NCALD: variants seen among roughly 807,000 people sequenced by gnomAD.
The protein encoded by NCALD is neurocalcin delta.
NCALD carries 10 observed loss-of-function variants against 18.6 expected under a neutral mutation model. That is an observed-to-expected ratio of 0.54 (90% CI 0.33 to 0.91). The LOEUF (loss-of-function observed/expected upper bound fraction) is 0.91, where lower values mean the gene tolerates loss of function less well. Ranked by LOEUF, NCALD falls within the 40% of genes least tolerant of loss-of-function variation. NCALD has a pLI of 0.03. For synonymous variants in NCALD, 88 were observed against 87.4 expected, an observed-to-expected ratio of 1.01 and a Z score of -0.04; for missense variants, 184 against 247.6, an observed-to-expected ratio of 0.74 and a Z score of 1.72.
intron 4 of NCALD, among the ~76,000 whole-genome samples, chr8:101,871,279 G>C (rs991146550): frequency 3.3e-5 from 5 of 152,120 alleles, no homozygotes; most frequent in Non-Finnish European, 7.4e-5. Context: ...AATGATATCA[G>C]CACTCCCTCT....
intron 1 of NCALD, among the ~76,000 whole-genome samples, chr8:101,744,278 GCT>G (rs1389609261): frequency 6.6e-6 from 1 of 152,162 alleles, no homozygotes; most frequent in Non-Finnish European, 1.5e-5. Context: ...GGGAATCCCA[GCT>G]CTGTCTTCCC....
rs117770418 is a variant in NCALD, at chr8:102,123,314, G to T, written c.-210+923C>A. ...GAACATAGACCTTCTTGCGGGGCTAGCGTGTAAGCACAGCAGCACACCAGC... is the reference window on the plus strand; with the variant it reads ...GAACATAGACCTTCTTGCGGGGCTATCGTGTAAGCACAGCAGCACACCAGC... On this transcript the variant is annotated intron_variant, in intron 1 of 6. Transcript: ENST00000311028. Among the ~76,000 whole-genome samples, 78 of 152,294 alleles carry T rather than the reference G, an allele frequency of 5.1e-4. 1 individual carries two copies. In the East Asian group the frequency reaches 0.014, roughly 27 times the overall value.
chr8:101,767,772 C>T (rs903506820), intron 1 of NCALD, among the ~76,000 whole-genome samples: 2 of 152,226 alleles, frequency 1.3e-5, no homozygotes. Context: ...CTGCACAATG[C>T]TAGCTGTCAG....
chr8:101,875,404 T>C (rs924309800), intron 4 of NCALD, among the ~76,000 whole-genome samples: 1 of 152,226 alleles, frequency 6.6e-6, no homozygotes. Flanking sequence ...TTCTCAAGAA[T>C]AGGCCCCCTC....
chr8:102,119,915 C>T (rs541128480), intron 1 of NCALD, among the ~76,000 whole-genome samples: 12 of 152,244 alleles, frequency 7.9e-5, no homozygotes, highest in South Asian at 4.1e-4. Context: ...CAGGCAGAGA[C>T]GTCTATGTCA....
At position 102,105,974 on chromosome 8, in the gene NCALD, A is replaced by G. The variant is rs550506870; in HGVS notation, c.-210+18263T>C. 2.0e-5 allele frequency among the ~76,000 whole-genome samples: 3 copies of G among 152,228 alleles called. No homozygotes were observed. In the East Asian group the frequency reaches 5.8e-4, roughly 29 times the overall value. ...CTGGCACATAGTGAGGTCTGAATCA[A>G]TGAGAGTAGTAGTCATTGCTACAAG... On this transcript the variant is annotated intron_variant, in intron 1 of 6. Transcript: ENST00000311028.
intron 4 of NCALD, among the ~76,000 whole-genome samples, chr8:101,843,622 G>A (rs1403270443): frequency 1.5e-5 from 2 of 133,512 alleles, no homozygotes; most frequent in Admixed American, 1.8e-4. Context: ...TGTCACACAG[G>A]CTGGAGTGCA....
chr8:101,695,471 G>T (rs1207872806), intron 2 of NCALD, among the ~76,000 whole-genome samples: 3 of 152,150 alleles, frequency 2.0e-5, no homozygotes, highest in South Asian at 2.1e-4. Context: ...CTGTTGTCAA[G>T]AGTCTGACAA....
intron 2 of NCALD, among the ~76,000 whole-genome samples, chr8:101,935,196 G>A (rs1195299832): frequency 6.6e-6 from 1 of 152,038 alleles, no homozygotes; most frequent in East Asian, 1.9e-4. Flanking sequence ...AAATATAGGT[G>A]AGAAATTTCA....
intron 2 of NCALD, among the ~76,000 whole-genome samples, chr8:101,695,769 G>A (rs1814961899): frequency 6.6e-6 from 1 of 152,014 alleles, no homozygotes; most frequent in Admixed American, 6.6e-5. Flanking sequence ...TTTTAGATGT[G>A]AGGGTAGCAG....
intron 2 of NCALD, among the ~76,000 whole-genome samples, chr8:101,713,359 T>G (rs945226313): frequency 2.0e-5 from 3 of 150,308 alleles, no homozygotes; most frequent in African/African-American, 7.4e-5. Flanking sequence ...ACATCACAAT[T>G]AAAAGAACTA....
At chr8:101,980,464 G>T (rs977726440) in intron 2 of NCALD, among the ~76,000 whole-genome samples, 5 of 152,156 alleles carry the variant, frequency 3.3e-5, no homozygotes, top group African/African-American at 1.2e-4. Flanking sequence ...CCCACGCTTC[G>T]CAAGAGAAAG....
chr8:102,018,057 C>T (rs1300057173), intron 2 of NCALD, among the ~76,000 whole-genome samples: 2 of 152,044 alleles, frequency 1.3e-5, no homozygotes, highest in Non-Finnish European at 2.9e-5. Flanking sequence ...GCTCAAATTG[C>T]TAAAATTACA....
At chr8:101,926,602 T>G (rs1163050442) in intron 2 of NCALD, among the ~76,000 whole-genome samples, 1 of 152,180 alleles carries the variant, frequency 6.6e-6, no homozygotes, top group African/African-American at 2.4e-5. Context: ...TTAAATAATA[T>G]GTCCAAGCTG....
At chr8:101,935,944 C>T (rs961686121) in intron 2 of NCALD, among the ~76,000 whole-genome samples, 3 of 151,862 alleles carry the variant, frequency 2.0e-5, no homozygotes, top group African/African-American at 4.8e-5. Context: ...GCGGAGCACA[C>T]GATTAGTGCT....
At chr8:101,791,878 AAT>A (rs1812459528), upstream of NCALD, among the ~76,000 whole-genome samples, 1 of 152,180 alleles carries the variant, frequency 6.6e-6, no homozygotes, top group African/African-American at 2.4e-5. Context: ...AGAGCCATAG[AAT>A]GAAAGGGTTA....
intron 1 of NCALD, among the ~76,000 whole-genome samples, chr8:102,092,519 G>A (rs1263512344): frequency 6.6e-6 from 1 of 152,176 alleles, no homozygotes; most frequent in East Asian, 1.9e-4. Flanking sequence ...GCTTCCCACT[G>A]CTATTGGAAA....
chr8:101,758,378 C>A (rs186576896), intron 1 of NCALD, among the ~76,000 whole-genome samples: 1 of 152,170 alleles, frequency 6.6e-6, no homozygotes, highest in Non-Finnish European at 1.5e-5. Context: ...TGGATTCCCA[C>A]CAAATAAAGC....
At chr8:101,762,327 C>T (rs1020750081) in intron 1 of NCALD, among the ~76,000 whole-genome samples, 3 of 151,892 alleles carry the variant, frequency 2.0e-5, no homozygotes, top group African/African-American at 7.3e-5. Context: ...ATTATATGTA[C>T]TATAAAAAGA....
Sources: allele counts gnomAD v4.1 joint callset (sites outside exome capture counted in the v4.1 genomes callset), GRCh38; gene constraint gnomAD v4.1.1; transcripts MANE v1.5; gene names NCBI Gene and HGNC (gene_info 2026-07-23, HGNC 2026-07-21).